The following TDRD3 variants were observed in gnomAD, a reference collection of about 807,000 sequenced individuals.
TDRD3 encodes the protein tudor domain-containing protein 3.
Under a neutral mutation model 86.7 loss-of-function variants are expected in TDRD3, and 45 were observed. The observed-to-expected ratio is 0.52, with a 90% CI of 0.41 to 0.67. The LOEUF (loss-of-function observed/expected upper bound fraction) is 0.67, where lower values mean the gene tolerates loss of function less well. TDRD3 is among the 30% of genes least tolerant of loss of function. TDRD3 has a pLI of 0.00. For missense variants in TDRD3, 814 were observed against 889.0 expected, an observed-to-expected ratio of 0.92 and a Z score of 1.07; for synonymous variants, 298 against 301.7, an observed-to-expected ratio of 0.99 and a Z score of 0.13.
At position 60,457,941 on chromosome 13, in the gene TDRD3, C is replaced by T. The variant is rs1594956421; in HGVS notation, c.193-2439C>T. ...AGGGCCCACTGTAATTCACAGTGTT[C>T]TCATCTTTAGATCCTTACCTTAATT... On this transcript the variant is annotated intron_variant, in intron 3 of 13. Coordinates refer to ENST00000377881, the MANE Select transcript of TDRD3 (RefSeq NM_001146070.2). 2.0e-5 allele frequency among the ~76,000 whole-genome samples: 3 copies of T among 152,260 alleles called. No homozygotes were observed. In the East Asian group the frequency reaches 5.8e-4, roughly 29 times the overall value.
intron 12 of TDRD3, among the ~76,000 whole-genome samples, chr13:60,565,247 A>G (rs953826182): frequency 3.4e-4 from 51 of 150,606 alleles, no homozygotes; most frequent in South Asian, 2.3e-3. Flanking sequence ...AGTAGAGACG[A>G]GGTTTCACCT....
At chr13:60,515,559 A>G (rs984556383) in intron 10 of TDRD3, among the ~76,000 whole-genome samples, 1 of 152,234 alleles carries the variant, frequency 6.6e-6, no homozygotes, top group Non-Finnish European at 1.5e-5. Flanking sequence ...TACAATGAAG[A>G]TAACAGGATT....
intron 3 of TDRD3, among the ~76,000 whole-genome samples, chr13:60,453,482 C>G (rs968756823): frequency 1.5e-5 from 2 of 136,126 alleles, no homozygotes; most frequent in African/African-American, 5.0e-5. Context: ...TCTAGCAACA[C>G]TTTCCTTTAA....
intron 11 of TDRD3, among the ~76,000 whole-genome samples, chr13:60,533,430 C>A (rs1006588221): frequency 9.2e-5 from 14 of 152,066 alleles, no homozygotes; most frequent in Non-Finnish European, 1.6e-4. Context: ...CACTTGAGGT[C>A]AGGAGTTCGA....
At chr13:60,554,125 T>C (rs1958130796) in intron 12 of TDRD3, among the ~76,000 whole-genome samples, 1 of 152,170 alleles carries the variant, frequency 6.6e-6, no homozygotes, top group South Asian at 2.1e-4. Context: ...GGCATAAAGT[T>C]TTTCAGCCAG....
intron 1 of TDRD3, among the ~76,000 whole-genome samples, chr13:60,422,429 C>T (rs1045929366): frequency 8.5e-5 from 13 of 152,196 alleles, no homozygotes; most frequent in Non-Finnish European, 1.5e-4. Flanking sequence ...AATTTGCACG[C>T]AAACCTAGGA....
intron 1 of TDRD3, among the ~76,000 whole-genome samples, chr13:60,404,273 C>T (rs1419963049): frequency 6.6e-6 from 1 of 150,886 alleles, no homozygotes; most frequent in Non-Finnish European, 1.5e-5. Flanking sequence ...ACTCATTCAA[C>T]AAATAATTCG....
intron 3 of TDRD3, among the ~76,000 whole-genome samples, chr13:60,456,164 A>T (rs1222157719): frequency 1.3e-5 from 2 of 152,040 alleles, no homozygotes. Flanking sequence ...AATTGTTTTA[A>T]GTGTTTATCC....
chr13:60,452,118 T>C (rs909180830), intron 3 of TDRD3, among the ~76,000 whole-genome samples: 1 of 152,166 alleles, frequency 6.6e-6, no homozygotes, highest in Non-Finnish European at 1.5e-5. Flanking sequence ...GGAAGAAATG[T>C]ACATAAAAAG....
At chr13:60,518,518 T>C (rs1002575335) in intron 10 of TDRD3, among the ~76,000 whole-genome samples, 1 of 152,200 alleles carries the variant, frequency 6.6e-6, no homozygotes, top group African/African-American at 2.4e-5. Context: ...AGAATTGTGA[T>C]TTAAAAAAAA....
At chr13:60,459,598 T>C (rs2138048326) in intron 3 of TDRD3, among the ~76,000 whole-genome samples, 1 of 152,350 alleles carries the variant, frequency 6.6e-6, no homozygotes, top group South Asian at 2.1e-4. Flanking sequence ...CACTTTAAAC[T>C]TGATGTCTCT....
intron 3 of TDRD3, among the ~76,000 whole-genome samples, chr13:60,448,666 A>G (rs1275343717): frequency 1.3e-5 from 2 of 152,120 alleles, no homozygotes; most frequent in East Asian, 3.9e-4. Context: ...AAGCCATATT[A>G]TGCAACTTAT....
intron 7 of TDRD3, among the ~76,000 whole-genome samples, chr13:60,492,396 A>C (rs1377320300): frequency 6.6e-6 from 1 of 152,212 alleles, no homozygotes; most frequent in African/African-American, 2.4e-5. Context: ...TAATCACTTC[A>C]TATCAATGAT....
At chr13:60,417,019 CTTTT>C (rs560202011) in intron 1 of TDRD3, among the ~76,000 whole-genome samples, 1 of 141,952 alleles carries the variant, frequency 7.0e-6, no homozygotes, top group Non-Finnish European at 1.5e-5. Flanking sequence ...CTCTCTCTCT[CTTTT>C]TTTTTTTTTT....
intron 1 of TDRD3, among the ~76,000 whole-genome samples, chr13:60,400,582 A>G (rs1954066675): frequency 6.6e-6 from 1 of 151,946 alleles, no homozygotes; most frequent in South Asian, 2.1e-4. Context: ...TAAAAATACA[A>G]AAAAATTAGC....
chr13:60,559,840 G>T (rs1208436893), intron 12 of TDRD3, among the ~76,000 whole-genome samples: 1 of 152,160 alleles, frequency 6.6e-6, no homozygotes, highest in African/African-American at 2.4e-5. Context: ...CCAATTAACA[G>T]TAGTGTATTG....
chr13:60,402,691 C>CT lies in TDRD3; in HGVS notation c.41+5309dup, dbSNP rs35984156. Among the ~76,000 whole-genome samples, 693 of 73,048 alleles carry CT rather than the reference C, an allele frequency of 9.5e-3. 2 individuals carry two copies. The highest frequency in any genetic ancestry group is 0.024 in the East Asian group (70 of 2,908). The allele number at this position is 73,048 out of a possible 152,430, so 47.9% of individuals were successfully genotyped here. A position where few individuals can be genotyped will look rare whatever the true frequency, so the allele number is the denominator to read the frequency against. On this transcript the variant is annotated intron_variant, in intron 1 of 13. Transcript: ENST00000377881. ...GAAGAACATTAGAGGAAACCAATTG[C>CT]TTTTTTTTTTTTTTTTTTTTTTTGA...
At position 60,535,121 on chromosome 13, in the gene TDRD3, A is replaced by G; in HGVS notation, c.2006A>G (p.Glu669Gly). The change falls in exon 12 of 14, where the codon GAA (glutamate) becomes GGA (glycine). Residue 669 changes from glutamate (E) to glycine (G), a missense_variant. By Grantham distance (98) the Glu-to-Gly change is moderately conservative (BLOSUM62 -2). Coordinates refer to ENST00000377881, the MANE Select transcript of TDRD3 (RefSeq NM_001146070.2). ...YWEDNKFYRA[E>G]VEALHSSGMT... ...TTGCCTCCTCAGTTTTACCGGGCAG[A>G]AGTTGAAGCCCTCCATTCTTCGGGT... The G allele has an allele frequency of 6.2e-7, 1 of 1,613,790 alleles. No individual in the cohort carries two copies.
chr13:60,478,988 T>C (rs1035476675), intron 5 of TDRD3, among the ~76,000 whole-genome samples: 4 of 151,756 alleles, frequency 2.6e-5, no homozygotes, highest in African/African-American at 9.7e-5. Context: ...TTTGTATTTT[T>C]AGTAGACAGG....
Sources: allele counts gnomAD v4.1 joint callset (sites outside exome capture counted in the v4.1 genomes callset), GRCh38; gene constraint gnomAD v4.1.1; transcripts MANE v1.5; gene names NCBI Gene and HGNC (gene_info 2026-07-23, HGNC 2026-07-21).